The following MACF1 variants were observed in gnomAD, a reference collection of about 807,000 sequenced individuals.
The protein encoded by MACF1 is microtubule actin crosslinking factor 1, also known as microtubule-actin cross-linking factor 1.
In MACF1, 193 loss-of-function variants were observed where a neutral mutation model predicts 854.8. The ratio of observed to expected loss-of-function variants is 0.23; its 90% CI spans 0.20 to 0.25. The LOEUF (loss-of-function observed/expected upper bound fraction) is 0.25, where lower values mean the gene tolerates loss of function less well. Among genes scored for constraint, MACF1 ranks in the 10% least tolerant of loss-of-function variants. The probability of loss-of-function intolerance (pLI) is 1.00; values close to 1 mark genes in which losing one functional copy is unlikely to be tolerated. For synonymous variants in MACF1, 3,185 were observed against 3,226.7 expected (o/e 0.99, Z 0.44); for missense variants, 7,722 against 8,929.1 (o/e 0.86, Z 5.45).
intron 65 of MACF1, among the ~76,000 whole-genome samples, chr1:39,430,493 G>A (rs1643862125): frequency 6.6e-6 from 1 of 152,044 alleles, no homozygotes; most frequent in South Asian, 2.1e-4. Context: ...GGCTCAAAAA[G>A]TCTTACAGGC....
At chr1:39,304,784 G>C (rs1249712131) in intron 23 of MACF1, 3 of 289,006 alleles carry the variant, frequency 1.0e-5, no homozygotes, top group Non-Finnish European at 2.0e-5. Flanking sequence ...GGATGGTCTC[G>C]ATCTCCTGAC....
intron 2 of MACF1, among the ~76,000 whole-genome samples, chr1:39,193,884 C>T (rs1459705296): frequency 6.6e-6 from 1 of 151,870 alleles, no homozygotes; most frequent in Admixed American, 6.6e-5. Flanking sequence ...GCTGTTGTTG[C>T]CCAGGCTGGG....
chr1:39,180,782 G>C (rs767921890), intron 2 of MACF1, among the ~76,000 whole-genome samples: 1 of 152,184 alleles, frequency 6.6e-6, no homozygotes, highest in Non-Finnish European at 1.5e-5. Context: ...GGCCTTTGCT[G>C]TTCCTCTCAT....
intron 2 of MACF1, among the ~76,000 whole-genome samples, chr1:39,121,516 C>G (rs1045413989): frequency 4.6e-5 from 7 of 152,162 alleles, no homozygotes; most frequent in Admixed American, 2.6e-4. Context: ...GTGGCACTAT[C>G]TCGGCTCACT....
intron 97 of MACF1, among the ~76,000 whole-genome samples, chr1:39,477,075 A>ATACATACACACACATATATACACTTAGTG (rs1557675013): frequency 1.9e-5 from 1 of 51,308 alleles, no homozygotes; most frequent in African/African-American, 1.1e-4. Context: ...ATATATATAT[A>ATACATACACACACATATATACACTTAGTG]TATATATATA....
At chr1:39,352,753 G>A (rs1440916261) in intron 43 of MACF1, among the ~76,000 whole-genome samples, 1 of 150,742 alleles carries the variant, frequency 6.6e-6, no homozygotes, top group Non-Finnish European at 1.5e-5. Context: ...TCCTGATCCT[G>A]AAGTGAGCCA....
intron 36 of MACF1, chr1:39,328,336 G>T (rs1037569550): frequency 1.3e-5 from 2 of 152,064 alleles, no homozygotes; most frequent in Non-Finnish European, 2.9e-5. Flanking sequence ...ACAATTGCTT[G>T]CTGAGAACAT....
intron 1 of MACF1, among the ~76,000 whole-genome samples, chr1:39,216,831 A>C (rs1644582541): frequency 6.6e-6 from 1 of 152,104 alleles, no homozygotes; most frequent in South Asian, 2.1e-4. Context: ...TAAAATCTTT[A>C]TTGAAAGTTT....
intron 6 of MACF1, among the ~76,000 whole-genome samples, chr1:39,271,389 C>T (rs1260781644): frequency 6.6e-6 from 1 of 152,150 alleles, no homozygotes; most frequent in East Asian, 1.9e-4. Context: ...GAAAACCCAC[C>T]TACCCTCACG....
chr1:39,242,947 T>C (rs1644942731), intron 2 of MACF1, among the ~76,000 whole-genome samples: 1 of 152,176 alleles, frequency 6.6e-6, no homozygotes, highest in Non-Finnish European at 1.5e-5. Context: ...TTTTCAGTTC[T>C]CTTTAATTAC....
intron 2 of MACF1, among the ~76,000 whole-genome samples, chr1:39,247,895 A>C (rs961036584): frequency 6.6e-6 from 1 of 152,006 alleles, no homozygotes; most frequent in Admixed American, 6.6e-5. Flanking sequence ...GGTGGTGCGC[A>C]CCTGTAATCC....
intron 31 of MACF1, 57 bp downstream of exon 31, chr1:39,319,804 C>T: frequency 3.3e-6 from 4 of 1,230,496 alleles, no homozygotes; most frequent in Non-Finnish European, 4.7e-6. Flanking sequence ...GGAAAACCTA[C>T]ATCTTCACTG....
intron 2 of MACF1, among the ~76,000 whole-genome samples, chr1:39,239,235 C>G (rs930096141): frequency 6.6e-6 from 1 of 152,112 alleles, no homozygotes; most frequent in Non-Finnish European, 1.5e-5. Context: ...GAGCTGAGAT[C>G]GTGCCACCGC....
intron 58 of MACF1, among the ~76,000 whole-genome samples, chr1:39,415,479 G>C (rs992075049): frequency 2.7e-5 from 4 of 148,662 alleles, no homozygotes; most frequent in African/African-American, 9.8e-5. Context: ...GGGACTACAG[G>C]CGCCCGCCAC....
At chr1:39,483,175 A>T (rs1022359713) in intron 99 of MACF1, among the ~76,000 whole-genome samples, 29 of 152,260 alleles carry the variant, frequency 1.9e-4, no homozygotes, top group African/African-American at 6.5e-4. Flanking sequence ...AAACCAAAAA[A>T]AATCACTCAA....
chr1:39,197,100 C>T (rs1314960787), intron 2 of MACF1, among the ~76,000 whole-genome samples: 1 of 152,144 alleles, frequency 6.6e-6, no homozygotes, highest in African/African-American at 2.4e-5. Context: ...TCCCTCCTGC[C>T]AGCCTCTAAC....
chr1:39,232,827 G>C (rs772230924), intron 2 of MACF1, among the ~76,000 whole-genome samples: 6 of 149,956 alleles, frequency 4.0e-5, no homozygotes, highest in Non-Finnish European at 8.9e-5. Flanking sequence ...CTGTTGCCCA[G>C]GCTGGAGTAC....
At chr1:39,085,877 CA>C (rs1256466596) in intron 2 of MACF1, among the ~76,000 whole-genome samples, 1 of 152,172 alleles carries the variant, frequency 6.6e-6, no homozygotes, top group African/African-American at 2.4e-5. Context: ...ATGCATCTTG[CA>C]GGATGAAACC....
chr1:39,242,667 C>A (rs1405578434), intron 2 of MACF1, among the ~76,000 whole-genome samples: 1 of 149,034 alleles, frequency 6.7e-6, no homozygotes, highest in Non-Finnish European at 1.5e-5. Context: ...CCCAGGAAGT[C>A]GAGGCTATAG....
Sources: allele counts gnomAD v4.1 joint callset (sites outside exome capture counted in the v4.1 genomes callset), GRCh38; gene constraint gnomAD v4.1.1; transcripts MANE v1.5; gene names NCBI Gene and HGNC (gene_info 2026-07-23, HGNC 2026-07-21).